RHBDD1: variants seen among roughly 807,000 people sequenced by gnomAD.
RHBDD1 encodes the protein rhomboid-related protein 4.
In RHBDD1, 38 loss-of-function variants were observed where a neutral mutation model predicts 36.3. That is an observed-to-expected ratio of 1.05 (90% CI 0.81 to 1.37). The LOEUF (loss-of-function observed/expected upper bound fraction) is 1.37, where lower values mean the gene tolerates loss of function less well. Among genes scored for constraint, RHBDD1 ranks in the 40% most tolerant of loss-of-function variants. The pLI is 0.00. For missense variants in RHBDD1, 393 were observed against 377.6 expected (o/e 1.04, Z -0.34); for synonymous variants, 151 against 136.5 (o/e 1.11, Z -0.74).
chr2:226,831,614 G>A (rs56171158), upstream of RHBDD1, among the ~76,000 whole-genome samples: 25,433 of 152,002 alleles, frequency 0.17, 3,173 homozygotes, highest in African/African-American at 0.35. Context: ...TTCAGAGGGA[G>A]CAGAGCCCTG....
At chr2:226,985,415 C>G (rs1956711765) in intron 8 of RHBDD1, among the ~76,000 whole-genome samples, 1 of 152,250 alleles carries the variant, frequency 6.6e-6, no homozygotes, top group Non-Finnish European at 1.5e-5. Context: ...TAGCGCCCAT[C>G]TGTTTCAAAA....
the RHBDD1 span, among the ~76,000 whole-genome samples, chr2:226,824,123 C>A: frequency 1.3e-5 from 2 of 152,056 alleles, no homozygotes; most frequent in African/African-American, 4.8e-5. Flanking sequence ...CATATACACA[C>A]ATTATATACA....
intron 8 of RHBDD1, among the ~76,000 whole-genome samples, chr2:226,953,474 A>G (rs1951569959): frequency 6.6e-6 from 1 of 152,142 alleles, no homozygotes; most frequent in Admixed American, 6.6e-5. Context: ...GGCACTCTGC[A>G]CCCTGGAAAG....
rs930165738 is a variant in RHBDD1 at position 226,998,654 on chromosome 2, A to G, written c.*3132A>G. On this transcript the variant is annotated 3_prime_UTR_variant, in exon 9 of 9. Transcript: ENST00000392062. ...CAGCTTAGAGAGTCACAGTATCTCA[A>G]TTATTTGCTCTGTTCAATACTTAAC... 1.2e-4 allele frequency: 18 copies of G among 152,168 alleles called. No individual in the cohort carries two copies. In the East Asian group the frequency reaches 2.1e-3, roughly 18 times the overall value. The allele number at this position is 152,168 out of a possible 1,614,324, so 9.4% of individuals were successfully genotyped here. A position where few individuals can be genotyped will look rare whatever the true frequency, so the allele number is the denominator to read the frequency against.
chr2:226,868,089 T>C (rs997178312), intron 5 of RHBDD1, among the ~76,000 whole-genome samples: 3 of 152,228 alleles, frequency 2.0e-5, no homozygotes, highest in Non-Finnish European at 2.9e-5. Flanking sequence ...AAGGCTTTAC[T>C]TAACACTCAA....
At chr2:226,831,886 C>T (rs1420698297), upstream of RHBDD1, among the ~76,000 whole-genome samples, 2 of 151,590 alleles carry the variant, frequency 1.3e-5, no homozygotes, top group Admixed American at 6.6e-5. Context: ...TAGTGATGTA[C>T]CTGTTTTGAT....
intron 7 of RHBDD1, 132 bp downstream of exon 7, chr2:226,909,010 C>T: frequency 1.6e-6 from 1 of 617,970 alleles, no homozygotes; most frequent in Non-Finnish European, 2.9e-6. Flanking sequence ...AACTGTGCCT[C>T]TAACACACCT....
At chr2:226,992,193 G>GT (rs1684299184) in intron 8 of RHBDD1, among the ~76,000 whole-genome samples, 2 of 152,214 alleles carry the variant, frequency 1.3e-5, no homozygotes, top group African/African-American at 4.8e-5. Context: ...AAGACAGAGT[G>GT]TACCTGAGAC....
intron 1 of RHBDD1, among the ~76,000 whole-genome samples, chr2:226,836,546 C>T (rs930767186): frequency 1.3e-5 from 2 of 152,188 alleles, no homozygotes; most frequent in South Asian, 2.1e-4. Flanking sequence ...TATTAGAGGA[C>T]AAAAAATCCG....
intron 3 of RHBDD1, among the ~76,000 whole-genome samples, chr2:226,849,925 C>T (rs1032578034): frequency 6.6e-5 from 10 of 152,010 alleles, no homozygotes; most frequent in African/African-American, 2.2e-4. Flanking sequence ...TTATTTTTTA[C>T]ATCTTGCCAT....
intron 8 of RHBDD1, among the ~76,000 whole-genome samples, chr2:226,919,211 T>C (rs1261761738): frequency 6.6e-6 from 1 of 152,134 alleles, no homozygotes; most frequent in East Asian, 1.9e-4. Context: ...TCCTTATATA[T>C]TCTTGTTATT....
chr2:226,909,206 T>C (rs1948326874), intron 7 of RHBDD1, among the ~76,000 whole-genome samples: 2 of 152,164 alleles, frequency 1.3e-5, no homozygotes, highest in African/African-American at 4.8e-5. Context: ...GGGAAAGTGT[T>C]AAAAGTTGGT....
intron 3 of RHBDD1, among the ~76,000 whole-genome samples, chr2:226,848,884 G>A (rs1029012927): frequency 5.3e-5 from 8 of 152,152 alleles, no homozygotes; most frequent in African/African-American, 1.9e-4. Flanking sequence ...ATTGAATAGG[G>A]TAATCATGTA....
chr2:226,954,047 A>G lies in RHBDD1; in HGVS notation c.856+39696A>G, dbSNP rs535645134. On this transcript the variant is annotated intron_variant, in intron 8 of 8. Coordinates refer to ENST00000392062, the MANE Select transcript of RHBDD1 (RefSeq NM_001167608.3). Reference sequence around the variant, plus strand: ...CACCTGCTCTTCTTCCTGGGTGGTCATAGCTTGCATTCATTTAACGACTGT... The same window carrying G: ...CACCTGCTCTTCTTCCTGGGTGGTCGTAGCTTGCATTCATTTAACGACTGT... 1.6e-3 allele frequency among the ~76,000 whole-genome samples: 244 copies of G among 152,312 alleles called. 1 individual carries two copies. Among genetic ancestry groups the G allele is most frequent in the Admixed American group, 3.0e-3 (46 of 15,306 alleles).
chr2:226,852,576 A>G (rs922181773), intron 3 of RHBDD1, among the ~76,000 whole-genome samples: 3 of 152,030 alleles, frequency 2.0e-5, no homozygotes, highest in Non-Finnish European at 2.9e-5. Flanking sequence ...GAACCCAACC[A>G]TTCTTGTACC....
At chr2:226,903,208 C>T (rs1947738924) in intron 5 of RHBDD1, among the ~76,000 whole-genome samples, 1 of 152,146 alleles carries the variant, frequency 6.6e-6, no homozygotes, top group African/African-American at 2.4e-5. Context: ...CAGTGGTCCC[C>T]CTTATCTGTG....
At chr2:226,841,181 GGA>G (rs1941585155) in intron 3 of RHBDD1, among the ~76,000 whole-genome samples, 2 of 151,632 alleles carry the variant, frequency 1.3e-5, no homozygotes, top group Non-Finnish European at 2.9e-5. Flanking sequence ...TACCTAGATT[GGA>G]GTGCAGTGGT....
chr2:226,878,716 G>A (rs918436718), intron 5 of RHBDD1, among the ~76,000 whole-genome samples: 1 of 152,152 alleles, frequency 6.6e-6, no homozygotes, highest in African/African-American at 2.4e-5. Context: ...CACCCCGTGT[G>A]CTCCTTCTGA....
At position 226,867,334 on chromosome 2, in the gene RHBDD1, TG is replaced by T; in HGVS notation, c.566+20del. 6.2e-7 allele frequency: 1 copy of T among 1,604,110 alleles called. No individual in the cohort carries two copies. Among genetic ancestry groups the T allele is most frequent in the East Asian group, 2.2e-5 (1 of 44,768 alleles). On this transcript the variant is annotated intron_variant, in intron 5 of 8. Transcript: ENST00000392062. ...TCTCACCAGGGTAAGTGTTTTCTTT[TG>T]GGGAATACAGTTGAAGGACCTGATG... is the stretch of plus-strand genomic sequence containing the variant.
Sources: gnomAD v4.1 joint callset for allele counts (sites outside exome capture counted in the v4.1 genomes callset) on GRCh38, gnomAD v4.1.1 for gene constraint, MANE v1.5 for transcripts, NCBI Gene and HGNC (gene_info 2026-07-23, HGNC 2026-07-21) for gene names.